JAK2: variants seen among roughly 807,000 people sequenced by gnomAD.
JAK2 encodes tyrosine-protein kinase JAK2.
A neutral mutation model predicts 139.3 loss-of-function variants in JAK2; 86 were observed. The ratio of observed to expected loss-of-function variants is 0.62; its 90% CI spans 0.52 to 0.74. The LOEUF (loss-of-function observed/expected upper bound fraction) is 0.74. Ranked by LOEUF, JAK2 falls within the 30% of genes least tolerant of loss-of-function variation. The pLI, the probability that JAK2 is intolerant of heterozygous loss-of-function variation, is 0.00. For missense variants in JAK2, 1,421 were observed against 1,360.3 expected (o/e 1.04, Z -0.70); for synonymous variants, 490 against 437.7 (o/e 1.12, Z -1.49).
chr9:5,072,618 T>C lies in JAK2; in HGVS notation c.1768T>C (p.Tyr590His), dbSNP rs1025841014. Reference protein sequence around the residue: ...LKVLDKAHRNYSESFFEAASM... With the variant: ...LKVLDKAHRNHSESFFEAASM... ...AGTTCTGGATAAAGCACACAGAAAC[T>C]ATTCAGAGGTGTGTATGTTCTTTAT... is the stretch of plus-strand genomic sequence containing the variant. Residue 590 changes from tyrosine to histidine, a missense_variant, in exon 13 of 25, where the codon TAT becomes CAT. Transcript: ENST00000381652. 2 of 1,599,810 alleles carry C rather than the reference T, an allele frequency of 1.3e-6. No homozygotes were observed. Among genetic ancestry groups the C allele is most frequent in the Non-Finnish European group, 1.7e-6 (2 of 1,172,318 alleles).
At chr9:5,073,878 A>G in intron 14 of JAK2, 93 bp downstream of exon 14, 1 of 768,814 alleles carries the variant, frequency 1.3e-6, no homozygotes, top group South Asian at 1.6e-5. Context: ...GCTAGGTGTC[A>G]GTGTAAACTA....
At chr9:5,079,169 A>C (rs1220804930) in intron 16 of JAK2, among the ~76,000 whole-genome samples, 1 of 152,216 alleles carries the variant, frequency 6.6e-6, no homozygotes, top group Non-Finnish European at 1.5e-5. Context: ...AGTATGGCAG[A>C]AAATTCTTAC....
chr9:5,028,575 A>C (rs1822936522), intron 3 of JAK2, among the ~76,000 whole-genome samples: 1 of 151,988 alleles, frequency 6.6e-6, no homozygotes, highest in Non-Finnish European at 1.5e-5. Context: ...CTATGAAACT[A>C]CTCCTAGATG....
intron 22 of JAK2, among the ~76,000 whole-genome samples, chr9:5,120,844 T>A (rs974764887): frequency 6.6e-6 from 1 of 152,178 alleles, no homozygotes; most frequent in East Asian, 1.9e-4. Flanking sequence ...AGCAGCTAAA[T>A]AGATTGTGAT....
At chr9:5,031,087 G>C (rs1823116405) in intron 4 of JAK2, among the ~76,000 whole-genome samples, 1 of 151,978 alleles carries the variant, frequency 6.6e-6, no homozygotes, top group South Asian at 2.1e-4. Context: ...AGAATATGAA[G>C]AATTAGGACA....
chr9:5,041,589 G>A (rs1586687518), intron 4 of JAK2: 3 of 501,200 alleles, frequency 6.0e-6, no homozygotes, highest in Non-Finnish European at 1.2e-5. Context: ...GCGGCGCCTG[G>A]ACTTTGAGAA....
chr9:5,081,898 A>C, intron 19 of JAK2, 37 bp downstream of exon 19: 1 of 1,541,502 alleles, frequency 6.5e-7, no homozygotes, highest in Non-Finnish European at 8.9e-7. Context: ...GAGTATAATC[A>C]TTTCATTTAG....
intron 2 of JAK2, among the ~76,000 whole-genome samples, chr9:4,999,534 G>C (rs372778112): frequency 1.3e-5 from 2 of 152,146 alleles, no homozygotes; most frequent in African/African-American, 2.4e-5. Flanking sequence ...AGAACTAATA[G>C]GATATATATA....
At chr9:5,051,226 G>C (rs903011084) in intron 6 of JAK2, among the ~76,000 whole-genome samples, 1 of 152,150 alleles carries the variant, frequency 6.6e-6, no homozygotes, top group African/African-American at 2.4e-5. Flanking sequence ...ATTATTTAAA[G>C]AGTTGTACTA....
rs957522892 is a variant in JAK2 at position 5,054,296 on chromosome 9, T to G, written c.615-267T>G. ...AGATTCTTATTAACTAGACTGAGGA[T>G]TCATTTCATTAGGGGAAGAAGATTA... On this transcript the variant is annotated intron_variant, in intron 6 of 24. Coordinates refer to ENST00000381652, the MANE Select transcript of JAK2 (RefSeq NM_004972.4). The surrounding 1 kb of genome is among the most constrained non-coding windows in gnomAD (Gnocchi z 4.9). Among the ~76,000 whole-genome samples, 7 of 152,046 alleles carry G rather than the reference T, an allele frequency of 4.6e-5. No homozygotes were observed. Among genetic ancestry groups the G allele is most frequent in the Admixed American group, 3.3e-4 (5 of 15,246 alleles).
At chr9:5,028,065 GT>G (rs1167093773) in intron 3 of JAK2, among the ~76,000 whole-genome samples, 2 of 152,158 alleles carry the variant, frequency 1.3e-5, no homozygotes, top group African/African-American at 2.4e-5. Flanking sequence ...CTTTCCATAA[GT>G]TTTTTTATTT....
chr9:5,086,013 C>T (rs1382281089), intron 19 of JAK2: 1 of 819,442 alleles, frequency 1.2e-6, no homozygotes, highest in Non-Finnish European at 2.2e-6. Context: ...CTGTGATATA[C>T]TATATACATT....
chr9:5,064,057 G>A (rs1319662076), intron 8 of JAK2, among the ~76,000 whole-genome samples: 1 of 152,184 alleles, frequency 6.6e-6, no homozygotes, highest in Non-Finnish European at 1.5e-5. Flanking sequence ...TTGGGAGACT[G>A]AGACAGGAGA....
chr9:5,087,767 T>C (rs994795770), intron 19 of JAK2, among the ~76,000 whole-genome samples: 1 of 151,180 alleles, frequency 6.6e-6, no homozygotes. Context: ...TCAAGTCCCT[T>C]TGAAATGTTC....
chr9:5,001,864 C>T (rs1277137420), intron 2 of JAK2, among the ~76,000 whole-genome samples: 1 of 151,946 alleles, frequency 6.6e-6, no homozygotes, highest in South Asian at 2.1e-4. Context: ...AGATATGATA[C>T]TATTCAAGGT....
intron 4 of JAK2, among the ~76,000 whole-genome samples, chr9:5,042,124 CTTTTTT>C (rs71326152): frequency 0.19 from 19,899 of 107,124 alleles, 1,227 homozygotes; most frequent in South Asian, 0.29. Context: ...GCCAAAATTT[CTTTTTT>C]TTTTTTTTTT....
chr9:5,101,521 A>C (rs1216526554), intron 22 of JAK2, among the ~76,000 whole-genome samples: 3 of 152,214 alleles, frequency 2.0e-5, no homozygotes, highest in Admixed American at 6.5e-5. Flanking sequence ...CTCTGAAGAG[A>C]GCAGTGTTTC....
chr9:5,087,774 GTTC>G (rs141065737), intron 19 of JAK2, among the ~76,000 whole-genome samples: 5,791 of 152,158 alleles, frequency 0.038, 376 homozygotes, highest in African/African-American at 0.13. Context: ...CCTTTGAAAT[GTTC>G]TTATCTTTTG....
intron 2 of JAK2, among the ~76,000 whole-genome samples, chr9:5,004,194 G>T (rs1247791151): frequency 6.6e-6 from 1 of 151,964 alleles, no homozygotes; most frequent in Non-Finnish European, 1.5e-5. Flanking sequence ...TATTGTTATT[G>T]GTAATCACCA....
Sources: gnomAD v4.1 joint callset for allele counts (sites outside exome capture counted in the v4.1 genomes callset) on GRCh38, gnomAD v4.1.1 for gene constraint, Gnocchi (gnomAD v3.1) non-coding constraint, MANE v1.5 for transcripts, NCBI Gene and HGNC (gene_info 2026-07-23, HGNC 2026-07-21) for gene names.